ROR2: variants seen among roughly 807,000 people sequenced by gnomAD.
ROR2 encodes ROR family WNT receptor 2.
In ROR2, 33 loss-of-function variants were observed where a neutral mutation model predicts 74.9. The observed-to-expected ratio is 0.44, with a 90% confidence interval of 0.33 to 0.59. The LOEUF is 0.59. ROR2 is among the 20% of genes least tolerant of loss of function. ROR2 has a pLI of 0.02. For synonymous variants in ROR2, 586 were observed against 558.7 expected (o/e 1.05, Z -0.69); for missense variants, 1,216 against 1,313.8 (o/e 0.93, Z 1.15).
chr9:91,813,469 A>C (rs1259290123), intron 1 of ROR2, among the ~76,000 whole-genome samples: 1 of 152,208 alleles, frequency 6.6e-6, no homozygotes, highest in Non-Finnish European at 1.5e-5. Flanking sequence ...TCTGTGGAAC[A>C]GCACTCAGGG....
chr9:91,795,785 C>T (rs1827148276), intron 1 of ROR2, among the ~76,000 whole-genome samples: 1 of 152,168 alleles, frequency 6.6e-6, no homozygotes. Flanking sequence ...AAACTCTCAG[C>T]TTGGTATTTT....
chr9:91,919,929 T>C (rs1025151366), intron 1 of ROR2, among the ~76,000 whole-genome samples: 2 of 152,124 alleles, frequency 1.3e-5, no homozygotes, highest in Non-Finnish European at 2.9e-5. Flanking sequence ...CAGAAATATT[T>C]TGAACAGTTT....
chr9:91,826,107 G>T (rs7852069), intron 1 of ROR2, among the ~76,000 whole-genome samples: 1 of 152,162 alleles, frequency 6.6e-6, no homozygotes, highest in Non-Finnish European at 1.5e-5. Context: ...GGCTCCCTGG[G>T]TTCAAAGCCC....
Position 91,725,005 on chromosome 9 carries a change from G to A in ROR2, c.1489C>T (p.Pro497Ser). The change falls in exon 9 of 9, where the codon CCG becomes TCG. Residue 497 changes from proline to serine, a missense_variant. Transcript: ENST00000375708. ...GCCACAGCCTGGGTCTGCTCCCCCGGGGCAGGGCCGAACAGGTGACCTTTG... is the reference window on the plus strand; with the variant it reads ...GCCACAGCCTGGGTCTGCTCCCCCGAGGCAGGGCCGAACAGGTGACCTTTG... ...VYKGHLFGPA[P>S]GEQTQAVAIK... 1 of 1,613,840 alleles carries A rather than the reference G, an allele frequency of 6.2e-7. No individual in the cohort carries two copies. Among genetic ancestry groups the A allele is most frequent in the African/African-American group, 1.3e-5 (1 of 75,052 alleles).
chr9:91,887,788 CTTTTTTT>C (rs771557997), intron 1 of ROR2, among the ~76,000 whole-genome samples: 6 of 100,678 alleles, frequency 6.0e-5, no homozygotes, highest in Admixed American at 1.3e-4. Context: ...CTTTTTTTCT[CTTTTTTT>C]TTTTTTTTTT....
chr9:91,950,060 TCTC>T lies in ROR2; in HGVS notation c.-100_-98del, dbSNP rs1832134361. 1.8e-5 allele frequency: 10 copies of T among 540,924 alleles called. No homozygotes were observed. Among genetic ancestry groups the T allele is most frequent in the Middle Eastern group, 5.1e-4 (1 of 1,946 alleles). The allele number at this position is 540,924 out of a possible 1,614,324, so 33.5% of individuals were successfully genotyped here. A position where few individuals can be genotyped will look rare whatever the true frequency, so the allele number is the denominator to read the frequency against. ...TTTCTACGATGCGTCCGCTCCTCCT[TCTC>T]CCTGGCGCTTCGCAAACGGGTCCAC... On this transcript the variant is annotated 5_prime_UTR_variant, in exon 1 of 9. Transcript: ENST00000375708.
At chr9:91,747,488 A>T (rs1825461129) in intron 4 of ROR2, among the ~76,000 whole-genome samples, 1 of 152,240 alleles carries the variant, frequency 6.6e-6, no homozygotes, top group Non-Finnish European at 1.5e-5. Context: ...GTCACGCTGC[A>T]CACAGGGCTA....
chr9:91,863,723 G>A (rs929690483), intron 1 of ROR2, among the ~76,000 whole-genome samples: 21 of 152,110 alleles, frequency 1.4e-4, no homozygotes, highest in African/African-American at 4.6e-4. Flanking sequence ...GAGATGGAAA[G>A]GAGATTCGCA....
At chr9:91,948,800 C>T in intron 1 of ROR2, 1 of 985,478 alleles carries the variant, frequency 1.0e-6, no homozygotes, top group South Asian at 4.7e-5. Context: ...TCAGGCGAAC[C>T]CCATAGGTCT....
chr9:91,842,932 C>A (rs112605967), intron 1 of ROR2, among the ~76,000 whole-genome samples: 1 of 152,376 alleles, frequency 6.6e-6, no homozygotes, highest in African/African-American at 2.4e-5. Context: ...AACACAGATG[C>A]TCCCAATTGA....
intron 4 of ROR2, among the ~76,000 whole-genome samples, chr9:91,744,503 G>A (rs746880635): frequency 3.3e-5 from 5 of 152,066 alleles, no homozygotes; most frequent in Non-Finnish European, 5.9e-5. Context: ...GGGATTACAC[G>A]CGTGAGCCAC....
rs558612746 is a variant in ROR2 at position 91,863,039 on chromosome 9, A to G, written c.97+86828T>C. On this transcript the variant is annotated intron_variant, in intron 1 of 8. Coordinates refer to ENST00000375708, the MANE Select transcript of ROR2 (RefSeq NM_004560.4). ...TGAGATACCATACTTCACACCTACT[A>G]GTTCGCTTATAATAAAAAAGACACA... 4.6e-5 allele frequency among the ~76,000 whole-genome samples: 7 copies of G among 152,342 alleles called. No homozygotes were observed. In the South Asian group the frequency reaches 1.5e-3, roughly 32 times the overall value.
At chr9:91,889,133 A>G (rs7858435) in intron 1 of ROR2, among the ~76,000 whole-genome samples, 87,220 of 152,088 alleles carry the variant, frequency 0.57, 27,370 homozygotes, top group African/African-American at 0.84. Flanking sequence ...CAGTGAGACC[A>G]GTAAGAGGAT....
intron 1 of ROR2, among the ~76,000 whole-genome samples, chr9:91,796,683 A>G (rs138620471): frequency 2.1e-3 from 311 of 151,298 alleles, no homozygotes; most frequent in African/African-American, 7.4e-3. Context: ...AGTCTGGGCT[A>G]GTAGATGGGG....
intron 1 of ROR2, among the ~76,000 whole-genome samples, chr9:91,838,462 C>T (rs1054462963): frequency 3.9e-5 from 6 of 152,200 alleles, no homozygotes; most frequent in African/African-American, 1.2e-4. Flanking sequence ...TGGTCACAGC[C>T]GCTATCTTTT....
At position 91,798,666 on chromosome 9, in the gene ROR2, TGGGGCTGACACCCTGGGCTCTGTGGGC is replaced by T. The variant is rs1827272518; in HGVS notation, c.98-22875_98-22849del. The stretch of plus-strand genomic sequence containing the variant: ...GAGCTGACACCCTGGGCTCTGTGGG[TGGGGCTGACACCCTGGGCTCTGTGGGC>T]GGGGCTGACACCCTGGGCCCTGCTA... On this transcript the variant is annotated intron_variant, in intron 1 of 8. Coordinates refer to ENST00000375708, the MANE Select transcript of ROR2 (RefSeq NM_004560.4). 9.2e-5 allele frequency among the ~76,000 whole-genome samples: 11 copies of T among 119,352 alleles called. No individual in the cohort carries two copies. The South Asian group carries it at 2.7e-3, about 29-fold the overall frequency. 78.3% of individuals were successfully genotyped at this position (119,352 alleles called of 152,430 possible). A position where few individuals can be genotyped will look rare whatever the true frequency, so the allele number is the denominator to read the frequency against.
rs750512132 is a variant in ROR2, at chr9:91,733,479, G to T, written c.623-43C>A. 128 of 1,580,478 alleles carry T rather than the reference G, an allele frequency of 8.1e-5. 4 individuals carry two copies. The South Asian group carries it at 1.4e-3, about 18-fold the overall frequency. ...CTCGCGTTAGCGGGGGACCCACCTT[G>T]CGCCCTTGACATTCATCCAGTCCCC... On this transcript the variant is annotated intron_variant, in intron 5 of 8. Transcript: ENST00000375708. The surrounding 1 kb of genome is among the most constrained non-coding windows in gnomAD (Gnocchi z 5.7).
Position 91,730,936 on chromosome 9 carries a change from A to G in ROR2, c.1157T>C (p.Met386Thr). Residue 386 changes from methionine (M) to threonine (T), a missense_variant, in exon 7 of 9, where the codon ATG becomes ACG. Physicochemically the swap from Met to Thr is moderately conservative, Grantham distance 81. Coordinates refer to ENST00000375708, the MANE Select transcript of ROR2 (RefSeq NM_004560.4). Reference sequence around the variant, plus strand: ...ACACGAGGGTACGTCACACAGTTCCATGCGTACGTTTTTATTCTGCGTAAA... The same window carrying G: ...ACACGAGGGTACGTCACACAGTTCCGTGCGTACGTTTTTATTCTGCGTAAA... ...WCFTQNKNVR[M>T]ELCDVPSCSP... is the part of the protein sequence containing the mutation. 1 of 1,614,152 alleles carries G rather than the reference A, an allele frequency of 6.2e-7. No individual in the cohort carries two copies. The highest frequency in any genetic ancestry group is 8.5e-7 in the Non-Finnish European group (1 of 1,180,024).
intron 1 of ROR2, among the ~76,000 whole-genome samples, chr9:91,778,226 G>A (rs1826485090): frequency 6.6e-6 from 1 of 152,206 alleles, no homozygotes; most frequent in Non-Finnish European, 1.5e-5. Context: ...CCACCACAAC[G>A]GATGTTGCAA....
Sources: gnomAD v4.1 joint callset for allele counts (sites outside exome capture counted in the v4.1 genomes callset) on GRCh38, gnomAD v4.1.1 for gene constraint, Gnocchi (gnomAD v3.1) non-coding constraint, MANE v1.5 for transcripts, NCBI Gene and HGNC (gene_info 2026-07-23, HGNC 2026-07-21) for gene names.